NOTCH1: variants seen among roughly 807,000 people sequenced by gnomAD.
The protein encoded by NOTCH1 is neurogenic locus notch homolog protein 1.
In NOTCH1, 37 loss-of-function variants were observed where a neutral mutation model predicts 254.8. The observed-to-expected ratio is 0.15, with a 90% CI of 0.11 to 0.19. NOTCH1 has a LOEUF of 0.19. Ranked by LOEUF, NOTCH1 falls within the 10% of genes least tolerant of loss-of-function variation. The pLI is 1.00. For synonymous variants in NOTCH1, 1,731 were observed against 1,618.1 expected, an observed-to-expected ratio of 1.07 and a Z score of -1.68; for missense variants, 2,972 against 3,708.6, an observed-to-expected ratio of 0.80 and a Z score of 5.16.
At position 136,545,804 on chromosome 9, in the gene NOTCH1, C is replaced by T. The variant is rs1843807774; in HGVS notation, c.-18G>A. 2 of 1,261,518 alleles carry T rather than the reference C, an allele frequency of 1.6e-6. No homozygotes were observed. Among genetic ancestry groups the T allele is most frequent in the Non-Finnish European group, 1.0e-6 (1 of 1,002,416 alleles). 78.1% of individuals were successfully genotyped at this position (1,261,518 alleles called of 1,614,324 possible). On this transcript the variant is annotated 5_prime_UTR_variant, in exon 1 of 34. Transcript: ENST00000651671. This position sits in a 1 kb window ranked among gnomAD's most constrained non-coding sequence, Gnocchi z 6.8. ...GGCGGCATGCCTCCCCACCGGCTGC[C>T]CTCTGCGCCCGGGCGGCGGCCTCCT...
In NOTCH1 at chr9:136,497,219, T is replaced by C. The variant is rs1254298379; in HGVS notation, c.6520A>G (p.Lys2174Glu). 6.2e-7 allele frequency: 1 copy of C among 1,612,716 alleles called. No homozygotes were observed. Among genetic ancestry groups the C allele is most frequent in the Non-Finnish European group, 8.5e-7 (1 of 1,179,942 alleles). The change falls in exon 34 of 34, where the codon AAG (lysine) becomes GAG (glutamate). Residue 2174 changes from lysine to glutamate, a missense_variant. Around this residue, in one of 8 missense-constraint regions of NOTCH1, gnomAD observed 529 missense variants for 529.2 expected, o/e 1.00. Transcript: ENST00000651671. ...TTCTTCCTCCGTGCCTTGAGGTCCT[T>C]GGCCTCCTTGCTTCCACAGGCCAGG... ...KGLACGSKEA[K>E]DLKARRKKSQ...
chr9:136,513,264 G>T lies in NOTCH1; in HGVS notation c.2353+128C>A. 6.6e-7 allele frequency: 1 copy of T among 1,507,340 alleles called. No individual in the cohort carries two copies. The highest frequency in any genetic ancestry group is 9.2e-7 in the Non-Finnish European group (1 of 1,092,618). The allele number at this position is 1,507,340 out of a possible 1,614,324, so 93.4% of individuals were successfully genotyped here. A position where few individuals can be genotyped will look rare whatever the true frequency, so the allele number is the denominator to read the frequency against. ...CATCTCCAAGAGCCAGAGGCCTGGA[G>T]CTAAGGCTTTGCCACGGGAGGGAGA... On this transcript the variant is annotated intron_variant, in intron 14 of 33. Transcript: ENST00000651671. The surrounding 1 kb of genome is among the most constrained non-coding windows in gnomAD (Gnocchi z 4.7).
chr9:136,530,177 C>T (rs1179438087), intron 2 of NOTCH1, among the ~76,000 whole-genome samples: 1 of 152,234 alleles, frequency 6.6e-6, no homozygotes, highest in Non-Finnish European at 1.5e-5. Context: ...AGGGACCCAG[C>T]CGGGGTCTGA....
rs750245108 is a variant in NOTCH1, at chr9:136,496,357, C to T, written c.7382G>A (p.Ser2461Asn). 14 of 1,592,936 alleles carry T rather than the reference C, an allele frequency of 8.8e-6. No homozygotes were observed. The South Asian group carries it at 1.2e-4, about 14-fold the overall frequency. ...TGGCAGCGACGTGGGCAGGGCGGGG[C>T]TCTCCTGGGGCAGAATAGTGTGCAC... ...LAVHTILPQE[S>N]PALPTSLPSS... Residue 2461 changes from serine (S) to asparagine (N), a missense_variant, in exon 34 of 34, where the codon AGC becomes AAC. By Grantham distance (46) the Ser-to-Asn change is conservative. Coordinates refer to ENST00000651671, the MANE Select transcript of NOTCH1 (RefSeq NM_017617.5).
At position 136,517,273 on chromosome 9, in the gene NOTCH1, C is replaced by T. The variant is rs190721271; in HGVS notation, c.1554G>A (p.Thr518=). The part of the protein sequence containing the change: ...KINEFQCECP[T]GFTGHLCQYD... ...GCAGGGGGCGGGGGTGGCCCTCACC[C>T]GTGGGGCACTCGCACTGGAACTCAT... is the stretch of plus-strand genomic sequence containing the variant. The change falls in exon 9 of 34, where the codon ACG becomes ACA. Residue 518 remains threonine (T), a splice_region_variant and synonymous_variant. Coordinates refer to ENST00000651671, the MANE Select transcript of NOTCH1 (RefSeq NM_017617.5). 9.5e-5 allele frequency: 151 copies of T among 1,592,546 alleles called. 1 individual carries two copies. The East Asian group carries it at 3.0e-3, about 32-fold the overall frequency.
chr9:136,544,016 G>A lies in NOTCH1; in HGVS notation c.140+8C>T, dbSNP rs1843773361. On this transcript the variant is annotated splice_region_variant and intron_variant, in intron 2 of 33. Transcript: ENST00000651671. ...CAAAGCAACAGGTCCCGCAGGGGTGGTACTCACACGCAGGCCTCCGTGCCA... is the reference window on the plus strand; with the variant it reads ...CAAAGCAACAGGTCCCGCAGGGGTGATACTCACACGCAGGCCTCCGTGCCA... The A allele has an allele frequency of 6.4e-7, 1 of 1,567,870 alleles. No homozygotes were observed. Among genetic ancestry groups the A allele is most frequent in the East Asian group, 2.4e-5 (1 of 42,358 alleles).
chr9:136,522,184 A>G (rs951620180), intron 4 of NOTCH1, among the ~76,000 whole-genome samples: 2 of 152,004 alleles, frequency 1.3e-5, no homozygotes, highest in Non-Finnish European at 2.9e-5. Context: ...TCGCCGTGTT[A>G]GCCAGGATGG....
chr9:136,496,059 G>A lies in NOTCH1; in HGVS notation c.*12C>T. 1.9e-6 allele frequency: 3 copies of A among 1,593,354 alleles called. No homozygotes were observed. Among genetic ancestry groups the A allele is most frequent in the Non-Finnish European group, 2.5e-6 (3 of 1,176,782 alleles). The stretch of plus-strand genomic sequence containing the variant: ...TTGGGAAAGGAAGCCGGGGTCTCGT[G>A]GGGCGCGCCGTTTACTTGAAGGCCT... On this transcript the variant is annotated 3_prime_UTR_variant, in exon 34 of 34. Coordinates refer to ENST00000651671, the MANE Select transcript of NOTCH1 (RefSeq NM_017617.5).
chr9:136,496,098 G>T lies in NOTCH1; in HGVS notation c.7641C>A (p.Ile2547=), dbSNP rs370124241. The T allele has an allele frequency of 4.4e-6, 7 of 1,607,632 alleles. No individual in the cohort carries two copies. The East Asian group carries it at 1.1e-4, about 26-fold the overall frequency. The change falls in exon 34 of 34, where the codon ATC becomes ATA. Residue 2547 remains isoleucine, a synonymous_variant. Transcript: ENST00000651671. ...SSPPTSMQSQ[I]ARIPEAFK Reference sequence around the variant, plus strand: ...ACTTGAAGGCCTCCGGAATGCGGGCGATCTGGGACTGCATGCTGGTGGGAG... The same window carrying T: ...ACTTGAAGGCCTCCGGAATGCGGGCTATCTGGGACTGCATGCTGGTGGGAG...
chr9:136,522,031 G>A (rs1488640099), intron 4 of NOTCH1, among the ~76,000 whole-genome samples: 3 of 149,698 alleles, frequency 2.0e-5, no homozygotes, highest in Admixed American at 2.0e-4. Flanking sequence ...AGGCTGGAGT[G>A]CAGTGGCGGG....
chr9:136,523,628 C>A (rs1202490306), intron 3 of NOTCH1, 89 bp downstream of exon 3: 1 of 1,504,854 alleles, frequency 6.6e-7, no homozygotes, highest in Non-Finnish European at 9.0e-7. Context: ...GAGACCCGGG[C>A]CTGGATCCCG....
chr9:136,526,534 G>A (rs1843462894), intron 2 of NOTCH1, among the ~76,000 whole-genome samples: 1 of 152,176 alleles, frequency 6.6e-6, no homozygotes, highest in Non-Finnish European at 1.5e-5. Context: ...GGCAGGGGAG[G>A]CCCATCCCAC....
intron 30 of NOTCH1, among the ~76,000 whole-genome samples, chr9:136,501,519 C>G (rs1463699849): frequency 5.9e-5 from 9 of 151,872 alleles, no homozygotes; most frequent in Non-Finnish European, 1.2e-4. Context: ...GAGTAATTTA[C>G]AGGGACAGAG....
At chr9:136,534,609 T>C (rs1186415179) in intron 2 of NOTCH1, among the ~76,000 whole-genome samples, 2 of 152,106 alleles carry the variant, frequency 1.3e-5, no homozygotes, top group Non-Finnish European at 2.9e-5. Flanking sequence ...GAGTGTTCTG[T>C]GGCCATTGGT....
Position 136,501,660 on chromosome 9 carries a change from G to A in NOTCH1, c.5638+88C>T, listed in dbSNP as rs192850797. 37 of 1,503,504 alleles carry A rather than the reference G, an allele frequency of 2.5e-5. No individual in the cohort carries two copies. In the African/African-American group the frequency reaches 4.0e-4, roughly 16 times the overall value. The allele number at this position is 1,503,504 out of a possible 1,614,324, so 93.1% of individuals were successfully genotyped here. A position where few individuals can be genotyped will look rare whatever the true frequency, so the allele number is the denominator to read the frequency against. ...TCACCCCCAATTCTAAGTTTCCAGA[G>A]TATCAACTGTACCCCAGCCTCGGGG... On this transcript the variant is annotated intron_variant, in intron 30 of 33. Coordinates refer to ENST00000651671, the MANE Select transcript of NOTCH1 (RefSeq NM_017617.5).
rs1589054589 is a variant in NOTCH1 at position 136,499,184 on chromosome 9, G to A, written c.6010C>T (p.Arg2004Cys). The A allele has an allele frequency of 6.2e-7, 1 of 1,613,372 alleles. No homozygotes were observed. Among genetic ancestry groups the A allele is most frequent in the Admixed American group, 1.7e-5 (1 of 60,018 alleles). The change falls in exon 32 of 34, where the codon CGC becomes TGC. Residue 2004 changes from arginine (R) to cysteine (C), a missense_variant. Transcript: ENST00000651671. ...DGTTPLILAA[R>C]LAVEGMLEDL... ...TCCAGCATGCCCTCCACGGCCAGGC[G>A]GGCAGCCAGGATCAGTGGCGTCGTG...
At chr9:136,520,398 C>G (rs939781607) in intron 4 of NOTCH1, among the ~76,000 whole-genome samples, 1 of 152,080 alleles carries the variant, frequency 6.6e-6, no homozygotes, top group Non-Finnish European at 1.5e-5. Flanking sequence ...CAGCCAGAGA[C>G]AACCAAAATC....
Position 136,506,405 on chromosome 9 carries a change from G to A in NOTCH1, c.4014+122C>T, listed in dbSNP as rs1348509625. The A allele has an allele frequency of 4.2e-6, 3 of 719,286 alleles. No individual in the cohort carries two copies. The highest frequency in any genetic ancestry group is 2.7e-5 in the East Asian group (1 of 36,720). 44.6% of individuals were successfully genotyped at this position (719,286 alleles called of 1,614,324 possible). ...AACTAAAAAAAAAAAAAAGACATCA[G>A]GGTGAGGAGGAGGATGAAGGCCGGG... On this transcript the variant is annotated intron_variant, in intron 24 of 33. Transcript: ENST00000651671. This position sits in a 1 kb window ranked among gnomAD's most constrained non-coding sequence, Gnocchi z 4.5.
chr9:136,544,203 A>T, intron 1 of NOTCH1, 101 bp from the exon 2 acceptor site: 2 of 1,101,790 alleles, frequency 1.8e-6, no homozygotes, highest in Non-Finnish European at 2.7e-6. Flanking sequence ...GCCAAGGGGC[A>T]TCGTCCGCCC....
Sources: allele counts gnomAD v4.1 joint callset (sites outside exome capture counted in the v4.1 genomes callset), GRCh38; gene constraint gnomAD v4.1.1; regional missense constraint gnomAD v4.1.1; non-coding constraint Gnocchi (gnomAD v3.1); transcripts MANE v1.5; gene names NCBI Gene and HGNC (gene_info 2026-07-23, HGNC 2026-07-21).